The following NSRP1 variants were observed in gnomAD, a reference collection of about 807,000 sequenced individuals.
NSRP1 encodes nuclear speckle splicing regulatory protein 1, also known as coiled-coil domain containing 55.
NSRP1 carries 24 observed loss-of-function variants against 54.7 expected under a neutral mutation model. That is an observed-to-expected ratio of 0.44 (90% CI 0.32 to 0.62). The LOEUF is 0.62. NSRP1 is among the 20% of genes least tolerant of loss of function. The probability of loss-of-function intolerance (pLI) is 0.06; values close to 1 mark genes in which losing one functional copy is unlikely to be tolerated. For synonymous variants in NSRP1, 210 were observed against 213.8 expected, an observed-to-expected ratio of 0.98 and a Z score of 0.15; for missense variants, 596 against 651.2, an observed-to-expected ratio of 0.92 and a Z score of 0.92.
At position 30,184,831 on chromosome 17, in the gene NSRP1, T is replaced by A. The variant is rs374953834; in HGVS notation, c.834T>A (p.Asn278Lys). 6.2e-7 allele frequency: 1 copy of A among 1,613,932 alleles called. No homozygotes were observed. Among genetic ancestry groups the A allele is most frequent in the Non-Finnish European group, 8.5e-7 (1 of 1,179,968 alleles). Residue 278 changes from asparagine to lysine, a missense_variant, in exon 7 of 7, where the codon AAT (asparagine) becomes AAA (lysine). Asn to Lys is a moderately conservative substitution (Grantham distance 94, BLOSUM62 0). Coordinates refer to ENST00000247026, the MANE Select transcript of NSRP1 (RefSeq NM_032141.4). ...AAAAGGTCATAGAGACCCCTGAGAA[T>A]GACTTCAAGCACCACAGGAGTCAAA... ...RREKVIETPE[N>K]DFKHHRSQNH... is the part of the protein sequence containing the mutation.
chr17:30,125,993 A>G (rs888909220), intron 2 of NSRP1: 2 of 152,164 alleles, frequency 1.3e-5, no homozygotes, highest in African/African-American at 4.8e-5. Context: ...TCAATTCATA[A>G]GTGAGTGGTT....
At chr17:30,175,953 A>G (rs1316187476) in intron 3 of NSRP1, among the ~76,000 whole-genome samples, 1 of 151,862 alleles carries the variant, frequency 6.6e-6, no homozygotes. Flanking sequence ...CAGTGAGCCA[A>G]GATGGTGCCA....
At chr17:30,166,659 A>T (rs1904738843) in intron 2 of NSRP1, among the ~76,000 whole-genome samples, 1 of 152,210 alleles carries the variant, frequency 6.6e-6, no homozygotes, top group South Asian at 2.1e-4. Flanking sequence ...GCAGTGGCTC[A>T]TGCCTATAAT....
chr17:30,160,431 G>T (rs1232900810), intron 2 of NSRP1, among the ~76,000 whole-genome samples: 1 of 152,136 alleles, frequency 6.6e-6, no homozygotes, highest in Non-Finnish European at 1.5e-5. Context: ...CAGATTCTGA[G>T]CTTTTCTTTT....
chr17:30,124,409 G>A (rs2071632714), intron 2 of NSRP1, among the ~76,000 whole-genome samples: 1 of 152,248 alleles, frequency 6.6e-6, no homozygotes, highest in African/African-American at 2.4e-5. Context: ...GCTAGCCAGT[G>A]GGTACACTAG....
intron 2 of NSRP1, among the ~76,000 whole-genome samples, chr17:30,134,669 T>C (rs8074028): frequency 0.5 from 75,520 of 152,006 alleles, 19,320 homozygotes; most frequent in East Asian, 0.82. Flanking sequence ...AATTTTGAAT[T>C]CAGGTCTGCC....
intron 2 of NSRP1, among the ~76,000 whole-genome samples, chr17:30,143,908 G>A (rs918783267): frequency 6.6e-6 from 1 of 152,010 alleles, no homozygotes; most frequent in African/African-American, 2.4e-5. Flanking sequence ...ATTTCACATG[G>A]CATGCCTGTA....
intron 2 of NSRP1, among the ~76,000 whole-genome samples, chr17:30,132,987 T>A (rs978326176): frequency 6.6e-6 from 1 of 152,194 alleles, no homozygotes; most frequent in Non-Finnish European, 1.5e-5. Flanking sequence ...TCACTCTGGC[T>A]GGAGTGCAGT....
At chr17:30,124,170 G>A (rs1000183706) in intron 2 of NSRP1, among the ~76,000 whole-genome samples, 3 of 152,150 alleles carry the variant, frequency 2.0e-5, no homozygotes, top group Non-Finnish European at 2.9e-5. Context: ...AGGCTCAGGT[G>A]GGGAGAATTG....
chr17:30,124,941 A>G (rs1343291291), intron 2 of NSRP1, among the ~76,000 whole-genome samples: 1 of 152,154 alleles, frequency 6.6e-6, no homozygotes, highest in Admixed American at 6.5e-5. Flanking sequence ...GCTCAGGCCT[A>G]TAATCCCAGC....
intron 5 of NSRP1, 23 bp downstream of exon 5, chr17:30,179,320 G>T (rs370180659): frequency 3.2e-5 from 49 of 1,548,484 alleles, no homozygotes; most frequent in Non-Finnish European, 4.1e-5. Flanking sequence ...AGTGGGAAAG[G>T]CACAAGGAAA....
rs1287309470 is a variant in NSRP1, at chr17:30,146,947, CT to C, written c.115-25593del. Among the ~76,000 whole-genome samples, 5 of 152,162 alleles carry C rather than the reference CT, an allele frequency of 3.3e-5. No individual in the cohort carries two copies. The East Asian group carries it at 7.7e-4, about 23-fold the overall frequency. On this transcript the variant is annotated intron_variant, in intron 2 of 6. Coordinates refer to ENST00000247026, the MANE Select transcript of NSRP1 (RefSeq NM_032141.4). ...ACCATCTGCTTCATCTCTTCTAGTC[CT>C]TATACCTCTTTTTCCTGTTTTACTT...
chr17:30,130,402 A>T lies in NSRP1; in HGVS notation c.114+12229A>T, dbSNP rs528599143. Among the ~76,000 whole-genome samples the T allele has an allele frequency of 3.0e-4, 46 of 152,186 alleles. 1 individual carries two copies. The highest frequency in any genetic ancestry group is 1.4e-3 in the Admixed American group (22 of 15,264). On this transcript the variant is annotated intron_variant, in intron 2 of 6. Coordinates refer to ENST00000247026, the MANE Select transcript of NSRP1 (RefSeq NM_032141.4). ...GTGTGAGCCACTATGCCCAGCGTCCACTAGTCTTTTTAACCATTGTTTTCC... is the reference window on the plus strand; with the variant it reads ...GTGTGAGCCACTATGCCCAGCGTCCTCTAGTCTTTTTAACCATTGTTTTCC...
intron 2 of NSRP1, among the ~76,000 whole-genome samples, chr17:30,158,095 C>T (rs1437344169): frequency 6.6e-6 from 1 of 152,092 alleles, no homozygotes; most frequent in Non-Finnish European, 1.5e-5. Flanking sequence ...ACATTCCCAC[C>T]AGCAGTGTAT....
chr17:30,142,404 C>T (rs2071813739), intron 2 of NSRP1, among the ~76,000 whole-genome samples: 1 of 151,836 alleles, frequency 6.6e-6, no homozygotes, highest in Non-Finnish European at 1.5e-5. Flanking sequence ...TAGCTCACTG[C>T]AGCCTCGAAC....
chr17:30,157,561 A>G (rs879392142), intron 2 of NSRP1, among the ~76,000 whole-genome samples: 3 of 152,156 alleles, frequency 2.0e-5, no homozygotes, highest in Non-Finnish European at 2.9e-5. Context: ...TCTTCTATCT[A>G]ACTGTATGTT....
intron 2 of NSRP1, among the ~76,000 whole-genome samples, chr17:30,162,583 A>G (rs1401512209): frequency 6.6e-6 from 1 of 152,222 alleles, no homozygotes; most frequent in Non-Finnish European, 1.5e-5. Context: ...ATTTGAAAGA[A>G]GGATTGGTTC....
intron 2 of NSRP1, among the ~76,000 whole-genome samples, chr17:30,132,776 T>C (rs2071713125): frequency 6.6e-6 from 1 of 152,210 alleles, no homozygotes; most frequent in Non-Finnish European, 1.5e-5. Context: ...AGAGTTGGAA[T>C]CAGCTTCTTC....
rs569474708 is a variant in NSRP1 at position 30,164,931 on chromosome 17, T to G, written c.115-7611T>G. Reference sequence around the variant, plus strand: ...ATGAGTCAATGACTTTATTGTGTGGTTTGGTCACATTCAGCCTTAATCTTT... The same window carrying G: ...ATGAGTCAATGACTTTATTGTGTGGGTTGGTCACATTCAGCCTTAATCTTT... On this transcript the variant is annotated intron_variant, in intron 2 of 6. Transcript: ENST00000247026. 1.7e-4 allele frequency among the ~76,000 whole-genome samples: 26 copies of G among 152,322 alleles called. 1 individual carries two copies. Among genetic ancestry groups the G allele is most frequent in the African/African-American group, 6.3e-4 (26 of 41,586 alleles).
Sources: gnomAD v4.1 joint callset for allele counts (sites outside exome capture counted in the v4.1 genomes callset) on GRCh38, gnomAD v4.1.1 for gene constraint, MANE v1.5 for transcripts, NCBI Gene and HGNC (gene_info 2026-07-23, HGNC 2026-07-21) for gene names.